CCDC158: variants seen among roughly 807,000 people sequenced by gnomAD.
CCDC158 encodes the protein coiled-coil domain containing 158.
In CCDC158, 116 loss-of-function variants were observed where a neutral mutation model predicts 138.6. That is an observed-to-expected ratio of 0.84 (90% confidence interval 0.72 to 0.98). CCDC158 has a LOEUF of 0.98. Among genes scored for constraint, CCDC158 ranks in the 50% least tolerant of loss-of-function variants. CCDC158 has a pLI of 0.00. For synonymous variants in CCDC158, 436 were observed against 442.4 expected, an observed-to-expected ratio of 0.99 and a Z score of 0.18; for missense variants, 1,265 against 1,306.1, an observed-to-expected ratio of 0.97 and a Z score of 0.48.
chr4:76,382,759 G>A (rs1726393036), intron 7 of CCDC158, 39 bp from the exon 8 acceptor site: 3 of 1,264,800 alleles, frequency 2.4e-6, no homozygotes, highest in Admixed American at 1.9e-5. Context: ...TGATACAGAA[G>A]ATTTTCCTGA....
At chr4:76,323,190 C>G in intron 24 of CCDC158, 112 bp downstream of exon 24, 1 of 697,226 alleles carries the variant, frequency 1.4e-6, no homozygotes. Context: ...CTTCAGTTTA[C>G]AGTTGTTAAT....
chr4:76,358,133 C>G (rs1723767559), intron 13 of CCDC158, among the ~76,000 whole-genome samples: 1 of 152,156 alleles, frequency 6.6e-6, no homozygotes, highest in Admixed American at 6.6e-5. Flanking sequence ...CCAACTGCCT[C>G]ACAGTGCCTA....
intron 12 of CCDC158, among the ~76,000 whole-genome samples, chr4:76,363,794 A>T (rs1724387941): frequency 6.6e-6 from 1 of 152,124 alleles, no homozygotes; most frequent in South Asian, 2.1e-4. Flanking sequence ...GTCATTGGAC[A>T]GTTTTGAGTA....
rs982493650 is a variant in CCDC158 at position 76,421,060 on chromosome 4, G to C, written c.-212C>G. 2.6e-5 allele frequency among the ~76,000 whole-genome samples: 4 copies of C among 151,922 alleles called. No homozygotes were observed. The highest frequency in any genetic ancestry group is 6.6e-5 in the Admixed American group (1 of 15,260). ...CCTACGTCGACCTGGCGGCTGGGAC[G>C]GGGCGGCTCCCCACTCTTCGCCCCT... On this transcript the variant is annotated 5_prime_UTR_variant, in exon 1 of 25. Transcript: ENST00000682701.
Position 76,408,588 on chromosome 4 carries a change from G to T in CCDC158, c.-74+3502C>A, listed in dbSNP as rs557555856. On this transcript the variant is annotated intron_variant, in intron 2 of 24. Coordinates refer to ENST00000682701, the MANE Select transcript of CCDC158 (RefSeq NM_001394954.1). ...CATTTTCTTAATCCAGTCTATCATT[G>T]TTGGACATTTGGGTTGGTTCCAAGT... Among the ~76,000 whole-genome samples, 5 of 152,230 alleles carry T rather than the reference G, an allele frequency of 3.3e-5. No homozygotes were observed. The East Asian group carries it at 9.6e-4, about 29-fold the overall frequency.
chr4:76,329,546 T>C (rs918814745), intron 21 of CCDC158, among the ~76,000 whole-genome samples: 1 of 152,116 alleles, frequency 6.6e-6, no homozygotes, highest in Admixed American at 6.5e-5. Flanking sequence ...ATCACGCCAT[T>C]GCACTCCAGC....
chr4:76,344,015 A>G (rs982638008), intron 18 of CCDC158, among the ~76,000 whole-genome samples: 1 of 152,202 alleles, frequency 6.6e-6, no homozygotes, highest in Non-Finnish European at 1.5e-5. Flanking sequence ...GCAATCAGGC[A>G]AAAGAAAGAA....
chr4:76,369,765 A>G (rs557799923), intron 10 of CCDC158, 142 bp from the exon 11 acceptor site: 22 of 699,620 alleles, frequency 3.1e-5, no homozygotes, highest in Non-Finnish European at 4.7e-5. Context: ...TAATGGCTTA[A>G]GAGCAATTAT....
intron 19 of CCDC158, 66 bp from the exon 20 acceptor site, chr4:76,332,557 C>T (rs1185620938): frequency 1.0e-5 from 13 of 1,239,236 alleles, no homozygotes; most frequent in Non-Finnish European, 1.5e-5. Context: ...CTTTTTTAGA[C>T]TAATCAATTG....
At chr4:76,421,215 G>T (rs1730101627), upstream of CCDC158, among the ~76,000 whole-genome samples, 1 of 152,030 alleles carries the variant, frequency 6.6e-6, no homozygotes, top group South Asian at 2.1e-4. Flanking sequence ...GTGGGTGACG[G>T]TTAGGACGCT....
intron 8 of CCDC158, among the ~76,000 whole-genome samples, chr4:76,380,979 G>A (rs1045640826): frequency 6.6e-6 from 1 of 152,222 alleles, no homozygotes; most frequent in Non-Finnish European, 1.5e-5. Flanking sequence ...ATGTGGTGTT[G>A]AGCCTGGAGG....
chr4:76,324,364 T>A (rs1019676978), intron 23 of CCDC158, among the ~76,000 whole-genome samples: 1 of 152,066 alleles, frequency 6.6e-6, no homozygotes, highest in African/African-American at 2.4e-5. Flanking sequence ...ATTTTGTATT[T>A]TTAATAGAGA....
intron 4 of CCDC158, among the ~76,000 whole-genome samples, chr4:76,391,195 C>G (rs1727279965): frequency 6.6e-6 from 1 of 151,908 alleles, no homozygotes; most frequent in Non-Finnish European, 1.5e-5. Flanking sequence ...TGTATACACA[C>G]AGGAATAGAC....
In CCDC158 at chr4:76,344,544, G is replaced by T; in HGVS notation, c.2664+6452C>A. ...GATGTGCCCCAGCTGGGAAGCTGAT[G>T]AATAGCTGACATCTGTATCTCTGGA... On this transcript the variant is annotated intron_variant, in intron 18 of 24. Transcript: ENST00000682701. 6.1e-6 allele frequency: 6 copies of T among 982,012 alleles called. No individual in the cohort carries two copies. In the South Asian group the frequency reaches 7.7e-5, roughly 13 times the overall value. 60.8% of individuals were successfully genotyped at this position (982,012 alleles called of 1,614,324 possible).
At chr4:76,420,524 T>A (rs922261888) in intron 1 of CCDC158, among the ~76,000 whole-genome samples, 1 of 152,178 alleles carries the variant, frequency 6.6e-6, no homozygotes, top group African/African-American at 2.4e-5. Flanking sequence ...ACATGTGGTT[T>A]AAAGACAGGG....
intron 4 of CCDC158, among the ~76,000 whole-genome samples, chr4:76,390,103 A>G (rs1727178404): frequency 6.6e-6 from 1 of 152,196 alleles, no homozygotes; most frequent in African/African-American, 2.4e-5. Flanking sequence ...TCTCTTAAGT[A>G]GAAAGGCTAA....
At chr4:76,334,261 G>T in intron 18 of CCDC158, 94 bp from the exon 19 acceptor site, 1 of 1,239,158 alleles carries the variant, frequency 8.1e-7, no homozygotes. Flanking sequence ...CAGAAATTAT[G>T]GAAAAGCAAG....
chr4:76,373,106 C>T (rs1032094272), intron 9 of CCDC158, among the ~76,000 whole-genome samples: 1 of 152,232 alleles, frequency 6.6e-6, no homozygotes, highest in Admixed American at 6.5e-5. Context: ...GCCTCAGCCT[C>T]CCAAAGTGCT....
intron 10 of CCDC158, among the ~76,000 whole-genome samples, 162 bp downstream of exon 10, chr4:76,371,255 A>C (rs1258836581): frequency 1.3e-5 from 2 of 152,238 alleles, no homozygotes; most frequent in Non-Finnish European, 2.9e-5. Context: ...AGAATATCAT[A>C]TTTTATATGC....
Sources: gnomAD v4.1 joint callset for allele counts (sites outside exome capture counted in the v4.1 genomes callset) on GRCh38, gnomAD v4.1.1 for gene constraint, MANE v1.5 for transcripts, NCBI Gene and HGNC (gene_info 2026-07-23, HGNC 2026-07-21) for gene names.